Variants in BAALC observed in about 807,000 individuals in gnomAD.
BAALC encodes brain and acute leukemia cytoplasmic protein.
A neutral mutation model predicts 15.5 loss-of-function variants in BAALC; 9 were observed. That is an observed-to-expected ratio of 0.58 (90% CI 0.35 to 1.02). BAALC has a LOEUF of 1.02. Ranked by LOEUF, BAALC falls within the 50% of genes least tolerant of loss-of-function variation. BAALC has a pLI of 0.02. For synonymous variants in BAALC, 80 were observed against 74.6 expected, an observed-to-expected ratio of 1.07 and a Z score of -0.37; for missense variants, 201 against 192.4, an observed-to-expected ratio of 1.04 and a Z score of -0.27.
intron 1 of BAALC, among the ~76,000 whole-genome samples, chr8:103,160,993 A>G (rs1811212084): frequency 6.6e-6 from 1 of 152,138 alleles, no homozygotes; most frequent in African/African-American, 2.4e-5. Flanking sequence ...GCATCCTTCA[A>G]TCCAATCAAG....
At chr8:103,222,444 C>T (rs1303065115) in intron 2 of BAALC, among the ~76,000 whole-genome samples, 1 of 152,128 alleles carries the variant, frequency 6.6e-6, no homozygotes, top group Non-Finnish European at 1.5e-5. Context: ...TATACAGGGT[C>T]AAACAAAACC....
intron 1 of BAALC, among the ~76,000 whole-genome samples, chr8:103,150,585 G>A (rs1252348770): frequency 1.3e-5 from 2 of 152,208 alleles, no homozygotes; most frequent in Non-Finnish European, 1.5e-5. Flanking sequence ...AAAAGTCTGG[G>A]TAGGTTTTTC....
chr8:103,205,960 C>G (rs2130045908), intron 1 of BAALC, among the ~76,000 whole-genome samples: 1 of 152,324 alleles, frequency 6.6e-6, no homozygotes, highest in Admixed American at 6.5e-5. Context: ...AATGTCCCCA[C>G]TCTGGGGCAC....
intron 1 of BAALC, among the ~76,000 whole-genome samples, chr8:103,201,263 G>C (rs984904099): frequency 6.6e-6 from 1 of 152,154 alleles, no homozygotes; most frequent in African/African-American, 2.4e-5. Context: ...AACTCTTCCT[G>C]AGTAAATCAG....
intron 1 of BAALC, among the ~76,000 whole-genome samples, chr8:103,206,489 T>A (rs1029215483): frequency 6.6e-6 from 1 of 152,070 alleles, no homozygotes; most frequent in African/African-American, 2.4e-5. Flanking sequence ...CTGACCTCAA[T>A]GTGCCGCCGC....
intron 1 of BAALC, among the ~76,000 whole-genome samples, chr8:103,204,697 G>A (rs992179170): frequency 1.3e-4 from 20 of 152,082 alleles, no homozygotes; most frequent in Non-Finnish European, 2.6e-4. Context: ...AAGTGTCTTG[G>A]CACCATTGTC....
intron 1 of BAALC, among the ~76,000 whole-genome samples, chr8:103,171,242 AAAGG>A (rs571852065): frequency 9.3e-4 from 90 of 96,272 alleles, no homozygotes; most frequent in Admixed American, 3.4e-3. Context: ...AGAAAGAAAG[AAAGG>A]AAGGAAGGAA....
chr8:103,213,304 T>G, intron 2 of BAALC: 3 of 517,502 alleles, frequency 5.8e-6, no homozygotes, highest in East Asian at 3.1e-5. Context: ...TATGTTTGCT[T>G]AAGTACAGCT....
chr8:103,203,464 T>A (rs986691069), intron 1 of BAALC, among the ~76,000 whole-genome samples: 3 of 152,238 alleles, frequency 2.0e-5, no homozygotes, highest in Non-Finnish European at 4.4e-5. Context: ...AATTGACCCA[T>A]TTAAAGCATA....
At chr8:103,216,159 A>G (rs1812549309) in intron 2 of BAALC, among the ~76,000 whole-genome samples, 1 of 152,174 alleles carries the variant, frequency 6.6e-6, no homozygotes. Flanking sequence ...ACTGCAATTT[A>G]CCCATTTTAC....
At chr8:103,164,118 A>G (rs887651508) in intron 1 of BAALC, among the ~76,000 whole-genome samples, 1 of 152,158 alleles carries the variant, frequency 6.6e-6, no homozygotes, top group Non-Finnish European at 1.5e-5. Flanking sequence ...TTGAGGAAGG[A>G]GCTAACTTGT....
At chr8:103,200,451 T>C (rs779717918) in intron 1 of BAALC, among the ~76,000 whole-genome samples, 3 of 152,178 alleles carry the variant, frequency 2.0e-5, no homozygotes, top group Non-Finnish European at 4.4e-5. Context: ...AAAAGGCTAG[T>C]TGTACTAAGG....
At chr8:103,201,124 A>C (rs767963508) in intron 1 of BAALC, among the ~76,000 whole-genome samples, 2 of 152,106 alleles carry the variant, frequency 1.3e-5, no homozygotes, top group Non-Finnish European at 2.9e-5. Flanking sequence ...GAAAGAGATC[A>C]GGCTACAAGC....
At chr8:103,141,239 AC>A in intron 1 of BAALC, 182 bp downstream of exon 1, 2 of 642,936 alleles carry the variant, frequency 3.1e-6, no homozygotes, top group Non-Finnish European at 4.7e-6. Flanking sequence ...AGTGGGGTCG[AC>A]CAGAGCCCCT....
intron 2 of BAALC, among the ~76,000 whole-genome samples, chr8:103,214,745 A>G (rs1812521919): frequency 6.6e-6 from 1 of 152,236 alleles, no homozygotes; most frequent in Non-Finnish European, 1.5e-5. Context: ...TAGGATATAG[A>G]TAAGAATGGC....
In BAALC at chr8:103,156,418, G is replaced by A. The variant is rs56698360; in HGVS notation, c.160+15361G>A. On this transcript the variant is annotated intron_variant, in intron 1 of 2. Transcript: ENST00000309982. ...GGATTCAGGAAGAATATGGCATCAC[G>A]CAGAGTAAGGTAGAGGGTGCTTGAA... 4.4e-3 allele frequency among the ~76,000 whole-genome samples: 672 copies of A among 152,288 alleles called. 7 individuals are homozygous for A. Among genetic ancestry groups the A allele is most frequent in the African/African-American group, 0.015 (634 of 41,546 alleles).
intron 1 of BAALC, among the ~76,000 whole-genome samples, chr8:103,187,354 T>A (rs1182249910): frequency 6.6e-6 from 1 of 152,208 alleles, no homozygotes; most frequent in African/African-American, 2.4e-5. Flanking sequence ...GCTATTGGCA[T>A]CCAGTCGGGT....
intron 1 of BAALC, among the ~76,000 whole-genome samples, chr8:103,144,950 C>T (rs146360408): frequency 1.3e-5 from 2 of 152,284 alleles, no homozygotes; most frequent in African/African-American, 4.8e-5. Flanking sequence ...ACTATAGCCA[C>T]CCTCCTTTTA....
At chr8:103,206,293 C>T (rs1053732792) in intron 1 of BAALC, among the ~76,000 whole-genome samples, 2 of 152,146 alleles carry the variant, frequency 1.3e-5, no homozygotes, top group African/African-American at 4.8e-5. Context: ...TAACTCTCTA[C>T]TCAACAACTG....
Sources: gnomAD v4.1 joint callset for allele counts (sites outside exome capture counted in the v4.1 genomes callset) on GRCh38, gnomAD v4.1.1 for gene constraint, MANE v1.5 for transcripts, NCBI Gene and HGNC (gene_info 2026-07-23, HGNC 2026-07-21) for gene names.